RRAGD: variants seen among roughly 807,000 people sequenced by gnomAD.
RRAGD encodes ras-related GTP-binding protein D.
In RRAGD, 12 loss-of-function variants were observed where a neutral mutation model predicts 35.5. The observed-to-expected ratio is 0.34, with a 90% CI of 0.22 to 0.55. The LOEUF (loss-of-function observed/expected upper bound fraction) is 0.55, where lower values mean the gene tolerates loss of function less well. RRAGD is among the 20% of genes least tolerant of loss of function. The pLI is 0.91. For synonymous variants in RRAGD, 155 were observed against 178.9 expected, an observed-to-expected ratio of 0.87 and a Z score of 1.07; for missense variants, 324 against 490.1, an observed-to-expected ratio of 0.66 and a Z score of 3.20.
chr6:89,367,890 C>T lies in RRAGD; in HGVS notation c.*166G>A, dbSNP rs997673175. The T allele has an allele frequency of 1.9e-6, 1 of 530,954 alleles. No individual in the cohort carries two copies. The highest frequency in any genetic ancestry group is 1.9e-5 in the African/African-American group (1 of 51,830). 32.9% of individuals were successfully genotyped at this position (530,954 alleles called of 1,614,324 possible). ...ACAAGTTTTTGCTTCAAAGTGCTTA[C>T]TTTATTTATAAAAGAGAAGATCAAG... On this transcript the variant is annotated 3_prime_UTR_variant, in exon 7 of 7. Coordinates refer to ENST00000369415, the MANE Select transcript of RRAGD (RefSeq NM_021244.5).
At chr6:89,405,125 C>A (rs929326006) in intron 1 of RRAGD, among the ~76,000 whole-genome samples, 7 of 151,932 alleles carry the variant, frequency 4.6e-5, no homozygotes, top group South Asian at 2.1e-4. Context: ...CCAAGGTGGG[C>A]GGATCACGAG....
Position 89,411,821 on chromosome 6 carries a change from G to T in RRAGD, c.148+25C>A. The T allele has an allele frequency of 6.5e-7, 1 of 1,541,776 alleles. No homozygotes were observed. On this transcript the variant is annotated intron_variant, in intron 1 of 6. Transcript: ENST00000369415. The surrounding 1 kb of genome is among the most constrained non-coding windows in gnomAD (Gnocchi z 5.6). ...CAAGGGGAGGAAAGGGGCGCGAGCC[G>T]AGGACGCGGGGGCCGGGCGCTCACC...
intron 1 of RRAGD, among the ~76,000 whole-genome samples, chr6:89,395,072 C>T (rs1769307441): frequency 1.3e-5 from 2 of 151,786 alleles, no homozygotes; most frequent in African/African-American, 2.4e-5. Flanking sequence ...GCCTGGTCAA[C>T]ATAAAGAGAC....
At chr6:89,405,373 AAAG>A (rs1769558749) in intron 1 of RRAGD, among the ~76,000 whole-genome samples, 2 of 151,572 alleles carry the variant, frequency 1.3e-5, no homozygotes, top group Non-Finnish European at 1.5e-5. Context: ...AAAAAAAAAA[AAAG>A]AGATAACATA....
intron 5 of RRAGD, 67 bp from the exon 6 acceptor site, chr6:89,372,652 A>G (rs1012704625): frequency 1.4e-5 from 20 of 1,457,678 alleles, no homozygotes; most frequent in Non-Finnish European, 1.7e-5. Flanking sequence ...AGCCAGTGAC[A>G]AGAGACCGGC....
In RRAGD at chr6:89,387,583, G is replaced by A. The variant is rs561287334; in HGVS notation, c.156C>T (p.Asp52=). ...CTTCAGTGCTGAAGGGGTCACTGAA[G>A]TCCAGAACTGGAGAAACCACAAAAT... The part of the protein sequence containing the change: ...PDSGTEEGVL[D]FSDPFSTEVK... Residue 52 remains aspartate (D), a synonymous_variant, in exon 2 of 7, where the codon GAC becomes GAT. Coordinates refer to ENST00000369415, the MANE Select transcript of RRAGD (RefSeq NM_021244.5). 6.2e-7 allele frequency: 1 copy of A among 1,611,054 alleles called. No homozygotes were observed. Among genetic ancestry groups the A allele is most frequent in the Admixed American group, 1.7e-5 (1 of 59,586 alleles).
intron 2 of RRAGD, among the ~76,000 whole-genome samples, chr6:89,382,400 A>AATATATATATAT (rs58343827): frequency 0.02 from 2,625 of 130,766 alleles, 88 homozygotes; most frequent in African/African-American, 0.056. Flanking sequence ...TATCTCTAGA[A>AATATATATATAT]ATATATATAT....
At chr6:89,408,471 T>C (rs549499859) in intron 1 of RRAGD, among the ~76,000 whole-genome samples, 9 of 152,290 alleles carry the variant, frequency 5.9e-5, no homozygotes, top group Non-Finnish European at 1.2e-4. Flanking sequence ...CTAGGCAATA[T>C]AGAGAGACCC....
At chr6:89,399,108 T>C (rs1291829141) in intron 1 of RRAGD, among the ~76,000 whole-genome samples, 1 of 152,214 alleles carries the variant, frequency 6.6e-6, no homozygotes, top group Non-Finnish European at 1.5e-5. Flanking sequence ...TGGGCGTAGA[T>C]TTTAATGTTT....
At chr6:89,403,923 G>T (rs1769529681) in intron 1 of RRAGD, among the ~76,000 whole-genome samples, 1 of 152,142 alleles carries the variant, frequency 6.6e-6, no homozygotes, top group African/African-American at 2.4e-5. Context: ...ATCCCAAAGT[G>T]TTGGGATTAC....
At position 89,366,314 on chromosome 6, in the gene RRAGD, G is replaced by A. The variant is rs901848670; in HGVS notation, c.*1742C>T. The A allele has an allele frequency of 6.6e-6, 1 of 152,168 alleles. No individual in the cohort carries two copies. The highest frequency in any genetic ancestry group is 1.5e-5 in the Non-Finnish European group (1 of 68,198). 9.4% of individuals were successfully genotyped at this position (152,168 alleles called of 1,614,324 possible). A position where few individuals can be genotyped will look rare whatever the true frequency, so the allele number is the denominator to read the frequency against. On this transcript the variant is annotated 3_prime_UTR_variant, in exon 7 of 7. Transcript: ENST00000369415. ...AGGCCAAGGCAGGAGGATTGCTTGG[G>A]GCCAGGAGTTTGAGACCATCTTGGG...
Position 89,411,156 on chromosome 6 carries a change from C to T in RRAGD, c.148+690G>A, listed in dbSNP as rs554801726. Among the ~76,000 whole-genome samples the T allele has an allele frequency of 1.1e-4, 16 of 152,346 alleles. No individual in the cohort carries two copies. Among genetic ancestry groups the T allele is most frequent in the African/African-American group, 3.4e-4 (14 of 41,588 alleles). ...TTCACTATTGAAGCAAAGAATTCCCCGCCGCGCGCTCACTCCCGGGCAGGC... is the reference window on the plus strand; with the variant it reads ...TTCACTATTGAAGCAAAGAATTCCCTGCCGCGCGCTCACTCCCGGGCAGGC... On this transcript the variant is annotated intron_variant, in intron 1 of 6. Coordinates refer to ENST00000369415, the MANE Select transcript of RRAGD (RefSeq NM_021244.5). The surrounding 1 kb of genome is among the most constrained non-coding windows in gnomAD (Gnocchi z 5.6).
intron 1 of RRAGD, among the ~76,000 whole-genome samples, chr6:89,408,180 G>A (rs1769621676): frequency 6.6e-6 from 1 of 152,024 alleles, no homozygotes; most frequent in Non-Finnish European, 1.5e-5. Flanking sequence ...CAAGAAAAGG[G>A]GCTTACATTT....
At chr6:89,391,830 A>T (rs7740809) in intron 1 of RRAGD, among the ~76,000 whole-genome samples, 156 of 151,772 alleles carry the variant, frequency 1.0e-3, no homozygotes, top group African/African-American at 3.6e-3. Context: ...GGTGGCACGC[A>T]CCTGTAGTCC....
In RRAGD at chr6:89,379,326, TG is replaced by T; in HGVS notation, c.656del (p.Thr219LysfsTer19). ...CAAATATTGAATGATCATATATGCTTGTCAGATAAAAGCTGAAAGAGGAAAC... is the reference window on the plus strand; with the variant it reads ...CAAATATTGAATGATCATATATGCTTTCAGATAAAAGCTGAAAGAGGAAAC... Reference protein sequence around the residue: ...LEKIHLSFYLTSIYDHSIFEA... With the variant: ...LEKIHLSFYLXSIYDHSIFEA... On this transcript the variant is annotated frameshift_variant, in exon 4 of 7. Coordinates refer to ENST00000369415, the MANE Select transcript of RRAGD (RefSeq NM_021244.5). LOFTEE classifies it high-confidence loss of function. The T allele has an allele frequency of 6.4e-7, 1 of 1,564,642 alleles. No homozygotes were observed. The highest frequency in any genetic ancestry group is 1.4e-5 in the African/African-American group (1 of 73,700).
Position 89,412,129 on chromosome 6 carries a change from C to T in RRAGD, c.-136G>A. On this transcript the variant is annotated 5_prime_UTR_variant, in exon 1 of 7. Coordinates refer to ENST00000369415, the MANE Select transcript of RRAGD (RefSeq NM_021244.5). This position sits in a 1 kb window ranked among gnomAD's most constrained non-coding sequence, Gnocchi z 4.2. ...CAGCGGGGCCCGGCGGAAGCGGGGG[C>T]CGCGCGTCCCCCGGCGGGCGGCGCC... 2 of 829,404 alleles carry T rather than the reference C, an allele frequency of 2.4e-6. No individual in the cohort carries two copies. Among genetic ancestry groups the T allele is most frequent in the Middle Eastern group, 4.2e-4 (1 of 2,386 alleles). The allele number at this position is 829,404 out of a possible 1,614,324, so 51.4% of individuals were successfully genotyped here. A position where few individuals can be genotyped will look rare whatever the true frequency, so the allele number is the denominator to read the frequency against.
intron 1 of RRAGD, among the ~76,000 whole-genome samples, chr6:89,391,667 A>C (rs1769237090): frequency 6.6e-6 from 1 of 152,024 alleles, no homozygotes; most frequent in Admixed American, 6.5e-5. Flanking sequence ...AATGTTCTGG[A>C]ATTTGCCAGG....
intron 3 of RRAGD, among the ~76,000 whole-genome samples, 173 bp from the exon 4 acceptor site, chr6:89,379,511 A>C (rs952462001): frequency 6.6e-6 from 1 of 151,730 alleles, no homozygotes; most frequent in Non-Finnish European, 1.5e-5. Context: ...ATTCCTCCCC[A>C]CCTCCCAAAA....
intron 1 of RRAGD, among the ~76,000 whole-genome samples, 185 bp from the exon 2 acceptor site, chr6:89,387,775 C>T (rs867008194): frequency 6.6e-6 from 1 of 152,080 alleles, no homozygotes; most frequent in East Asian, 1.9e-4. Context: ...AACACTTAAC[C>T]GCTGGTCTAT....
Sources: gnomAD v4.1 joint callset for allele counts (sites outside exome capture counted in the v4.1 genomes callset) on GRCh38, gnomAD v4.1.1 for gene constraint, Gnocchi (gnomAD v3.1) non-coding constraint, MANE v1.5 for transcripts, NCBI Gene and HGNC (gene_info 2026-07-23, HGNC 2026-07-21) for gene names.